ARID2: variants seen among roughly 807,000 people sequenced by gnomAD.
ARID2 encodes AT-rich interaction domain 2, also known as AT-rich interactive domain-containing protein 2.
ARID2 carries 32 observed loss-of-function variants against 184.6 expected under a neutral mutation model. That is an observed-to-expected ratio of 0.17 (90% CI 0.13 to 0.23). The LOEUF (loss-of-function observed/expected upper bound fraction) is 0.23, where lower values mean the gene tolerates loss of function less well. ARID2 is among the 10% of genes least tolerant of loss of function. ARID2 has a pLI of 1.00. For synonymous variants in ARID2, 836 were observed against 772.6 expected, an observed-to-expected ratio of 1.08 and a Z score of -1.36; for missense variants, 1,696 against 2,197.6, an observed-to-expected ratio of 0.77 and a Z score of 4.56.
intron 3 of ARID2, among the ~76,000 whole-genome samples, chr12:45,794,740 T>A (rs1942357369): frequency 6.6e-6 from 1 of 152,192 alleles, no homozygotes; most frequent in South Asian, 2.1e-4. Flanking sequence ...CAGATTTTTC[T>A]TTTTCATTTG....
Position 45,904,962 on chromosome 12 carries a change from T to A in ARID2, c.5392T>A (p.Ser1798Thr), listed in dbSNP as rs367794476. Residue 1798 changes from serine to threonine, a missense_variant, in exon 21 of 21, where the codon TCA becomes ACA. Transcript: ENST00000334344. ...GTTAAAGAGACATGAAAATAACTTA[T>A]CAGTGCTAGCCATTAGTAACATGGA... Reference protein sequence around the residue: ...RLLKRHENNLSVLAISNMEAS... With the variant: ...RLLKRHENNLTVLAISNMEAS... 3.7e-6 allele frequency: 6 copies of A among 1,613,916 alleles called. No individual in the cohort carries two copies. The highest frequency in any genetic ancestry group is 5.1e-6 in the Non-Finnish European group (6 of 1,179,950).
intron 6 of ARID2, among the ~76,000 whole-genome samples, chr12:45,824,977 A>G (rs148443505): frequency 2.3e-4 from 35 of 151,922 alleles, no homozygotes; most frequent in African/African-American, 6.8e-4. Flanking sequence ...ATTATGTTCA[A>G]TGAAAACCTA....
Position 45,730,068 on chromosome 12 carries a change from G to A in ARID2, c.117G>A (p.Ala39=), listed in dbSNP as rs766691475. 3 of 1,613,590 alleles carry A rather than the reference G, an allele frequency of 1.9e-6. No individual in the cohort carries two copies. The highest frequency in any genetic ancestry group is 1.7e-5 in the Admixed American group (1 of 59,990). The change falls in exon 2 of 21, where the codon GCG becomes GCA. Residue 39 remains alanine, a synonymous_variant. Coordinates refer to ENST00000334344, the MANE Select transcript of ARID2 (RefSeq NM_152641.4). ...GGTCGCCTTTTAAAAAAATCCCTGC[G>A]GTGGGTGGGAAGGAGCTGGATCTTC... ...SRGSPFKKIP[A]VGGKELDLHG...
rs756451970 is a variant in ARID2 at position 45,825,791 on chromosome 12, G to T, written c.705+4304G>T. Among the ~76,000 whole-genome samples the T allele has an allele frequency of 5.3e-5, 8 of 152,040 alleles. 1 individual carries two copies. The highest frequency in any genetic ancestry group is 2.0e-4 in the Admixed American group (3 of 15,238). On this transcript the variant is annotated intron_variant, in intron 6 of 20. Transcript: ENST00000334344. The stretch of plus-strand genomic sequence containing the variant: ...AGGCAGAAGGATTGCTTGAGCTCTG[G>T]AGTTAGACACTGTAGTGAGCTATGA...
intron 12 of ARID2, among the ~76,000 whole-genome samples, chr12:45,848,060 C>T (rs1052756227): frequency 3.3e-5 from 5 of 151,702 alleles, no homozygotes; most frequent in Non-Finnish European, 2.9e-5. Flanking sequence ...CCCAGTTGCA[C>T]GTTTCTGCTA....
At position 45,867,002 on chromosome 12, in the gene ARID2, G is replaced by T. The variant is rs1372992188; in HGVS notation, c.4922+6053G>T. On this transcript the variant is annotated intron_variant, in intron 16 of 20. Transcript: ENST00000334344. ...GTCTTACTTCATCACCCAGGCTGGA[G>T]TGCAGTGGGGTGATCTCGGCTCACT... Among the ~76,000 whole-genome samples, 3 of 152,168 alleles carry T rather than the reference G, an allele frequency of 2.0e-5. No individual in the cohort carries two copies. In the East Asian group the frequency reaches 5.8e-4, roughly 29 times the overall value.
intron 3 of ARID2, among the ~76,000 whole-genome samples, chr12:45,807,696 A>G (rs897070158): frequency 6.6e-6 from 1 of 152,006 alleles, no homozygotes; most frequent in Non-Finnish European, 1.5e-5. Flanking sequence ...CCTATATAAC[A>G]TATAATCTTA....
chr12:45,767,248 GTA>G (rs1941788660), intron 3 of ARID2, among the ~76,000 whole-genome samples: 1 of 151,932 alleles, frequency 6.6e-6, no homozygotes. Flanking sequence ...TGTTTTCCTT[GTA>G]TTCAATTTTG....
chr12:45,866,962 T>G (rs1464256179), intron 16 of ARID2, among the ~76,000 whole-genome samples: 1 of 147,662 alleles, frequency 6.8e-6, no homozygotes, highest in Admixed American at 6.7e-5. Flanking sequence ...GTTGTTGTTG[T>G]TGTTTGGAGA....
At chr12:45,829,505 T>C (rs547070529) in intron 6 of ARID2, among the ~76,000 whole-genome samples, 48 of 152,148 alleles carry the variant, frequency 3.2e-4, no homozygotes, top group African/African-American at 1.1e-3. Context: ...ATGTGTTTTT[T>C]TCACAGTATA....
At chr12:45,742,806 C>T (rs147652156) in intron 3 of ARID2, among the ~76,000 whole-genome samples, 1 of 152,044 alleles carries the variant, frequency 6.6e-6, no homozygotes, top group South Asian at 2.1e-4. Context: ...GTCTTTAGAG[C>T]TAGTTACTAA....
chr12:45,839,476 C>T lies in ARID2; in HGVS notation c.1478C>T (p.Thr493Ile), dbSNP rs773261633. 17 of 1,612,796 alleles carry T rather than the reference C, an allele frequency of 1.1e-5. No homozygotes were observed. Among genetic ancestry groups the T allele is most frequent in the Non-Finnish European group, 1.4e-5 (16 of 1,179,632 alleles). ...PQAIEQVQTQ[T>I]HVASAPASRA... Reference sequence around the variant, plus strand: ...GCTATAGAGCAAGTCCAAACCCAGACTCATGTAGCATCTGCCCCAGGTTAG... The same window carrying T: ...GCTATAGAGCAAGTCCAAACCCAGATTCATGTAGCATCTGCCCCAGGTTAG... Residue 493 changes from threonine to isoleucine, a missense_variant, in exon 11 of 21, where the codon ACT becomes ATT. Thr to Ile is a moderately conservative substitution (Grantham distance 89). Transcript: ENST00000334344.
chr12:45,877,784 A>T (rs1944034463), intron 16 of ARID2, among the ~76,000 whole-genome samples: 1 of 152,196 alleles, frequency 6.6e-6, no homozygotes, highest in Admixed American at 6.5e-5. Flanking sequence ...CAAAAGTAAG[A>T]AAAAGAAATA....
chr12:45,846,176 A>G (rs1344899569), intron 11 of ARID2: 3 of 152,188 alleles, frequency 2.0e-5, no homozygotes, highest in Non-Finnish European at 1.5e-5. Context: ...ACATTTGTAT[A>G]CAACCAGGTT....
At chr12:45,866,498 G>T (rs1184832069) in intron 16 of ARID2, among the ~76,000 whole-genome samples, 2 of 152,138 alleles carry the variant, frequency 1.3e-5, no homozygotes, top group African/African-American at 4.8e-5. Flanking sequence ...ATTGGGAATT[G>T]CTGAGTCAGG....
At chr12:45,758,964 G>A (rs1045588538) in intron 3 of ARID2, among the ~76,000 whole-genome samples, 5 of 152,032 alleles carry the variant, frequency 3.3e-5, no homozygotes, top group African/African-American at 1.2e-4. Context: ...AGTCATATCA[G>A]ATATGTCCTG....
intron 3 of ARID2, among the ~76,000 whole-genome samples, chr12:45,754,391 T>C (rs747191097): frequency 2.0e-5 from 3 of 152,212 alleles, no homozygotes; most frequent in Non-Finnish European, 2.9e-5. Flanking sequence ...TTTTTTTCTG[T>C]TTTAAAGCTT....
chr12:45,761,068 A>T (rs557717379), intron 3 of ARID2, among the ~76,000 whole-genome samples: 2 of 152,244 alleles, frequency 1.3e-5, no homozygotes, highest in Admixed American at 1.3e-4. Flanking sequence ...ATGTCTTCTG[A>T]GTTTAACCTA....
At chr12:45,862,059 T>G (rs1436230737) in intron 16 of ARID2, among the ~76,000 whole-genome samples, 1 of 152,356 alleles carries the variant, frequency 6.6e-6, no homozygotes, top group Admixed American at 6.5e-5. Flanking sequence ...TGATTATGGC[T>G]ACCTGTGTAG....
Sources: gnomAD v4.1 joint callset for allele counts (sites outside exome capture counted in the v4.1 genomes callset) on GRCh38, gnomAD v4.1.1 for gene constraint, MANE v1.5 for transcripts, NCBI Gene and HGNC (gene_info 2026-07-23, HGNC 2026-07-21) for gene names.